The following ADK variants were observed in gnomAD, a reference collection of about 807,000 sequenced individuals.
ADK encodes the protein N6,N6-dimethyladenosine kinase.
ADK carries 24 observed loss-of-function variants against 44.7 expected under a neutral mutation model. That is an observed-to-expected ratio of 0.54 (90% CI 0.39 to 0.76). The LOEUF (loss-of-function observed/expected upper bound fraction) is 0.76. Among genes scored for constraint, ADK ranks in the 30% least tolerant of loss-of-function variants. The pLI, the probability that ADK is intolerant of heterozygous loss-of-function variation, is 0.00. For missense variants in ADK, 321 were observed against 425.1 expected (o/e 0.76, Z 2.15); for synonymous variants, 128 against 142.6 (o/e 0.90, Z 0.73).
rs117118249 is a variant in ADK, at chr10:74,664,171, A to G, written c.878-6012A>G. On this transcript the variant is annotated intron_variant, in intron 9 of 10. Coordinates refer to ENST00000539909, the MANE Select transcript of ADK (RefSeq NM_006721.4). ...AAGGATTGGTTAAATAAATTATACT[A>G]TATCCATGTAGTGGACTATTATGCA... Among the ~76,000 whole-genome samples, 931 of 152,340 alleles carry G rather than the reference A, an allele frequency of 6.1e-3. 7 individuals are homozygous for G. Among genetic ancestry groups the G allele is most frequent in the Non-Finnish European group, 8.7e-3 (591 of 68,022 alleles).
intron 6 of ADK, among the ~76,000 whole-genome samples, chr10:74,447,420 G>A (rs777585582): frequency 1.3e-5 from 2 of 152,074 alleles, no homozygotes; most frequent in Non-Finnish European, 2.9e-5. Flanking sequence ...AGAGGAGGAC[G>A]CCATTACAAA....
At chr10:74,355,497 G>T (rs912445879) in intron 4 of ADK, among the ~76,000 whole-genome samples, 12 of 152,146 alleles carry the variant, frequency 7.9e-5, no homozygotes, top group African/African-American at 2.9e-4. Context: ...GCCCTTTTGG[G>T]ATAGTGGTTG....
chr10:74,486,994 A>G (rs1847290481), intron 6 of ADK, among the ~76,000 whole-genome samples: 1 of 152,086 alleles, frequency 6.6e-6, no homozygotes, highest in Admixed American at 6.6e-5. Context: ...TTTTTGGAAT[A>G]TGTACAACTC....
chr10:74,325,426 C>G (rs1280320536), intron 4 of ADK, among the ~76,000 whole-genome samples: 1 of 152,156 alleles, frequency 6.6e-6, no homozygotes, highest in Admixed American at 6.5e-5. Flanking sequence ...TTGTTGTCTT[C>G]AAACAAGAAC....
intron 3 of ADK, among the ~76,000 whole-genome samples, chr10:74,295,958 T>A (rs1839796217): frequency 6.6e-6 from 1 of 152,324 alleles, no homozygotes; most frequent in African/African-American, 2.4e-5. Context: ...ATTTGTGCCT[T>A]CTTTGTAAGA....
At chr10:74,202,318 A>C (rs954153957) in intron 2 of ADK, among the ~76,000 whole-genome samples, 1 of 152,212 alleles carries the variant, frequency 6.6e-6, no homozygotes, top group Non-Finnish European at 1.5e-5. Context: ...ATAGTGGACT[A>C]TTCCATTGTG....
intron 6 of ADK, among the ~76,000 whole-genome samples, chr10:74,477,450 T>C (rs1846896531): frequency 6.6e-6 from 1 of 152,134 alleles, no homozygotes; most frequent in South Asian, 2.1e-4. Flanking sequence ...TCACGTGATC[T>C]ACCTGCCTTA....
chr10:74,453,970 A>G (rs546819748), intron 6 of ADK, among the ~76,000 whole-genome samples: 1 of 152,172 alleles, frequency 6.6e-6, no homozygotes, highest in Non-Finnish European at 1.5e-5. Flanking sequence ...TCTAAATTGC[A>G]GTTTCATTAA....
intron 4 of ADK, among the ~76,000 whole-genome samples, chr10:74,320,913 A>G (rs563452528): frequency 4.6e-5 from 7 of 152,344 alleles, no homozygotes; most frequent in Admixed American, 2.0e-4. Flanking sequence ...CTTTAAATAC[A>G]GTTATCAGTA....
Position 74,374,875 on chromosome 10 carries a change from C to T in ADK, c.274-19266C>T, listed in dbSNP as rs569625614. On this transcript the variant is annotated intron_variant, in intron 4 of 10. Transcript: ENST00000539909. Reference sequence around the variant, plus strand: ...TTACTCTTTGACCTTTTCATTATACCCCATATTCCTTGGTGCTTTCCAAGT... The same window carrying T: ...TTACTCTTTGACCTTTTCATTATACTCCATATTCCTTGGTGCTTTCCAAGT... 2.6e-5 allele frequency among the ~76,000 whole-genome samples: 4 copies of T among 152,064 alleles called. No homozygotes were observed. The South Asian group carries it at 8.3e-4, about 32-fold the overall frequency.
intron 2 of ADK, among the ~76,000 whole-genome samples, chr10:74,222,289 T>C (rs1844341205): frequency 6.6e-6 from 1 of 151,996 alleles, no homozygotes; most frequent in African/African-American, 2.4e-5. Context: ...ATCAGAGAAA[T>C]GCAAATCAAA....
At chr10:74,396,409 C>A (rs965464413) in intron 5 of ADK, among the ~76,000 whole-genome samples, 3 of 151,884 alleles carry the variant, frequency 2.0e-5, no homozygotes, top group Non-Finnish European at 4.4e-5. Context: ...TGGCATGTAC[C>A]TGTGGTCCCC....
intron 4 of ADK, among the ~76,000 whole-genome samples, chr10:74,360,296 T>G (rs1371443000): frequency 1.3e-5 from 2 of 152,190 alleles, no homozygotes; most frequent in Non-Finnish European, 2.9e-5. Flanking sequence ...TAATGTATTA[T>G]TAAACTAAAA....
chr10:74,427,837 G>A lies in ADK; in HGVS notation c.555+29258G>A, dbSNP rs145500254. On this transcript the variant is annotated intron_variant, in intron 6 of 10. Transcript: ENST00000539909. ...TCACAATAGTAGTGACACACCTAGC[G>A]TTATTTCCCACTGTTAGTTTCCTAA... Among the ~76,000 whole-genome samples the A allele has an allele frequency of 6.6e-3, 1,006 of 152,144 alleles. 7 individuals are homozygous for A. The highest frequency in any genetic ancestry group is 0.031 in the Middle Eastern group (9 of 294).
chr10:74,500,150 A>G (rs1412751781), intron 6 of ADK, among the ~76,000 whole-genome samples: 3 of 152,228 alleles, frequency 2.0e-5, no homozygotes, highest in Non-Finnish European at 2.9e-5. Context: ...GGCCAGTGCC[A>G]TAGTGGCCGG....
chr10:74,357,451 T>C (rs966289062), intron 4 of ADK, among the ~76,000 whole-genome samples: 3 of 134,472 alleles, frequency 2.2e-5, no homozygotes, highest in African/African-American at 8.1e-5. Flanking sequence ...CACCCCACCA[T>C]ACCCAGTGAT....
intron 3 of ADK, among the ~76,000 whole-genome samples, chr10:74,254,923 A>C (rs1465336991): frequency 6.6e-6 from 1 of 152,202 alleles, no homozygotes; most frequent in Non-Finnish European, 1.5e-5. Context: ...TAATAACTAC[A>C]GTGAATTGTG....
chr10:74,441,433 A>G (rs960341276), intron 6 of ADK, among the ~76,000 whole-genome samples: 5 of 152,254 alleles, frequency 3.3e-5, no homozygotes, highest in African/African-American at 1.2e-4. Context: ...TTACACAAAA[A>G]TGTGTATATG....
intron 3 of ADK, among the ~76,000 whole-genome samples, chr10:74,278,666 T>A (rs1352764295): frequency 5.3e-5 from 8 of 152,170 alleles, no homozygotes; most frequent in African/African-American, 1.9e-4. Context: ...TCACTTTTTT[T>A]ATTTTTATTT....
Sources: allele counts gnomAD v4.1 joint callset (sites outside exome capture counted in the v4.1 genomes callset), GRCh38; gene constraint gnomAD v4.1.1; transcripts MANE v1.5; gene names NCBI Gene and HGNC (gene_info 2026-07-23, HGNC 2026-07-21).